The following TTBK1 variants were observed in gnomAD, a reference collection of about 807,000 sequenced individuals.
TTBK1 encodes tau tubulin kinase 1.
A neutral mutation model predicts 108.5 loss-of-function variants in TTBK1; 34 were observed. The ratio of observed to expected loss-of-function variants is 0.31; its 90% confidence interval spans 0.24 to 0.42. TTBK1 has a LOEUF of 0.42. TTBK1 is among the 10% of genes least tolerant of loss of function. The pLI, the probability that TTBK1 is intolerant of heterozygous loss-of-function variation, is 1.00. For missense variants in TTBK1, 1,539 were observed against 1,826.0 expected (o/e 0.84, Z 2.86); for synonymous variants, 809 against 795.1 (o/e 1.02, Z -0.29).
Position 43,269,028 on chromosome 6 carries a change from G to A in TTBK1, c.1986+5678G>A, listed in dbSNP as rs929862014. On this transcript the variant is annotated intron_variant, in intron 13 of 14. Coordinates refer to ENST00000259750, the MANE Select transcript of TTBK1 (RefSeq NM_032538.3). The surrounding 1 kb of genome is among the most constrained non-coding windows in gnomAD (Gnocchi z 4.8). ...ACAGAGGAGGAAGCTGAGGCTCAGA[G>A]AGGTGCAGTAACTTGCTCAAGGTCA... Among the ~76,000 whole-genome samples the A allele has an allele frequency of 3.9e-5, 6 of 152,234 alleles. No homozygotes were observed. The highest frequency in any genetic ancestry group is 5.9e-5 in the Non-Finnish European group (4 of 68,052).
Position 43,286,494 on chromosome 6 carries a change from G to A in TTBK1, c.*1118G>A, listed in dbSNP as rs1778386597. 1 of 152,554 alleles carries A rather than the reference G, an allele frequency of 6.6e-6. No individual in the cohort carries two copies. The highest frequency in any genetic ancestry group is 6.5e-5 in the Admixed American group (1 of 15,290). The allele number at this position is 152,554 out of a possible 1,614,324, so 9.5% of individuals were successfully genotyped here. A position where few individuals can be genotyped will look rare whatever the true frequency, so the allele number is the denominator to read the frequency against. On this transcript the variant is annotated 3_prime_UTR_variant, in exon 15 of 15. Transcript: ENST00000259750. The surrounding 1 kb of genome is among the most constrained non-coding windows in gnomAD (Gnocchi z 4.6). ...CCTCCCGCCTGTGGGAGGGAGGGAGGGCTGGCTCAGGCATCGTCTCCCGCA... is the reference window on the plus strand; with the variant it reads ...CCTCCCGCCTGTGGGAGGGAGGGAGAGCTGGCTCAGGCATCGTCTCCCGCA...
Position 43,285,749 on chromosome 6 carries a change from C to G in TTBK1, c.*373C>G, listed in dbSNP as rs1020185270. On this transcript the variant is annotated 3_prime_UTR_variant, in exon 15 of 15. Transcript: ENST00000259750. The surrounding 1 kb of genome is among the most constrained non-coding windows in gnomAD (Gnocchi z 4.7). ...CGCCTGGTTCGTTCGCCCACCAGGC[C>G]TAGGCTACGCTCCATGCTCCCCCAG... The G allele has an allele frequency of 6.0e-6, 1 of 168,016 alleles. No individual in the cohort carries two copies. The highest frequency in any genetic ancestry group is 2.4e-5 in the African/African-American group (1 of 42,092). 10.4% of individuals were successfully genotyped at this position (168,016 alleles called of 1,614,324 possible). A position where few individuals can be genotyped will look rare whatever the true frequency, so the allele number is the denominator to read the frequency against.
rs956594685 is a variant in TTBK1 at position 43,259,967 on chromosome 6, G to A, written c.1424+261G>A. On this transcript the variant is annotated intron_variant, in intron 12 of 14. Coordinates refer to ENST00000259750, the MANE Select transcript of TTBK1 (RefSeq NM_032538.3). The surrounding 1 kb of genome is among the most constrained non-coding windows in gnomAD (Gnocchi z 6.7). ...AGGCTGCAGGAGGGACAGGTGGGGC[G>A]CCTGGGCCCAGGAAGGGTGAGGGGC... Among the ~76,000 whole-genome samples the A allele has an allele frequency of 1.3e-5, 2 of 152,220 alleles. No individual in the cohort carries two copies. Among genetic ancestry groups the A allele is most frequent in the Non-Finnish European group, 2.9e-5 (2 of 68,028 alleles).
intron 13 of TTBK1, among the ~76,000 whole-genome samples, chr6:43,267,841 A>AGCCACCAAAGCATTTCCCT (rs1455029604): frequency 2.0e-5 from 3 of 152,208 alleles, no homozygotes; most frequent in Admixed American, 1.3e-4. Flanking sequence ...ACTGCCCGGC[A>AGCCACCAAAGCATTTCCCT]GCCACCAAAG....
chr6:43,252,712 G>T, intron 2 of TTBK1, 27 bp from the exon 3 acceptor site: 2 of 1,613,076 alleles, frequency 1.2e-6, no homozygotes, highest in South Asian at 2.2e-5. Context: ...TGATCCCTGA[G>T]CACCCCCTAT....
At position 43,276,598 on chromosome 6, in the gene TTBK1, TG is replaced by T. The variant is rs1180307432; in HGVS notation, c.1987-6128del. Among the ~76,000 whole-genome samples the T allele has an allele frequency of 6.6e-6, 1 of 152,224 alleles. No individual in the cohort carries two copies. The highest frequency in any genetic ancestry group is 2.4e-5 in the African/African-American group (1 of 41,470). On this transcript the variant is annotated intron_variant, in intron 13 of 14. Coordinates refer to ENST00000259750, the MANE Select transcript of TTBK1 (RefSeq NM_032538.3). The surrounding 1 kb of genome is among the most constrained non-coding windows in gnomAD (Gnocchi z 5.4). Reference sequence around the variant, plus strand: ...TTTTGTGCCTTTTTAAGTCCCTGTATGTTAATGCAGACAATCCGGAGAGCTT... The same window carrying T: ...TTTTGTGCCTTTTTAAGTCCCTGTATTTAATGCAGACAATCCGGAGAGCTT...
rs1777861937 is a variant in TTBK1, at chr6:43,272,555, G to A, written c.1986+9205G>A. On this transcript the variant is annotated intron_variant, in intron 13 of 14. Coordinates refer to ENST00000259750, the MANE Select transcript of TTBK1 (RefSeq NM_032538.3). Reference sequence around the variant, plus strand: ...GGTTCAAAGCATGTTGTCCTTTAGGGGGACATCCTTTTGTATATCCTCCAT... The same window carrying A: ...GGTTCAAAGCATGTTGTCCTTTAGGAGGACATCCTTTTGTATATCCTCCAT... 3.0e-6 allele frequency: 3 copies of A among 985,314 alleles called. 1 individual carries two copies. Among genetic ancestry groups the A allele is most frequent in the African/African-American group, 1.7e-5 (1 of 57,236 alleles). The allele number at this position is 985,314 out of a possible 1,614,324, so 61.0% of individuals were successfully genotyped here.
In TTBK1 at chr6:43,285,098, C is replaced by T. The variant is rs1647276440; in HGVS notation, c.3688C>T (p.Pro1230Ser). The T allele has an allele frequency of 6.8e-7, 1 of 1,478,228 alleles. No homozygotes were observed. The highest frequency in any genetic ancestry group is 8.9e-7 in the Non-Finnish European group (1 of 1,122,616). The allele number at this position is 1,478,228 out of a possible 1,614,324, so 91.6% of individuals were successfully genotyped here. A position where few individuals can be genotyped will look rare whatever the true frequency, so the allele number is the denominator to read the frequency against. The change falls in exon 15 of 15, where the codon CCG becomes TCG. Residue 1230 changes from proline (P) to serine (S), a missense_variant. By Grantham distance (74) the Pro-to-Ser change is moderately conservative. This residue lies in a region of TTBK1 where 1,055 missense variants were observed against 1,086.5 expected (regional missense o/e 0.97). Coordinates refer to ENST00000259750, the MANE Select transcript of TTBK1 (RefSeq NM_032538.3). This position sits in a 1 kb window ranked among gnomAD's most constrained non-coding sequence, Gnocchi z 4.7. ...CCAAGCCGGAGCCAGGCCCCCAGCGCCGCGCAGCCCGCGCCTCCCCGCGTC... is the reference window on the plus strand; with the variant it reads ...CCAAGCCGGAGCCAGGCCCCCAGCGTCGCGCAGCCCGCGCCTCCCCGCGTC... ...RAQAGARPPA[P>S]RSPRLPASTS...
intron 1 of TTBK1, among the ~76,000 whole-genome samples, chr6:43,246,340 C>T (rs781399769): frequency 2.0e-4 from 30 of 152,324 alleles, no homozygotes; most frequent in Non-Finnish European, 3.5e-4. Context: ...TAGAGTATGT[C>T]TCTCTCCCCT....
At chr6:43,271,555 C>T in intron 13 of TTBK1, 1 of 985,274 alleles carries the variant, frequency 1.0e-6, no homozygotes, top group South Asian at 4.7e-5. Context: ...CTCTGCTTGG[C>T]CCATCAATTC....
Position 43,272,473 on chromosome 6 carries a change from C to A in TTBK1, c.1986+9123C>A, listed in dbSNP as rs1486363831. 1.8e-5 allele frequency: 18 copies of A among 985,298 alleles called. No individual in the cohort carries two copies. The Admixed American group carries it at 6.1e-4, about 34-fold the overall frequency. The allele number at this position is 985,298 out of a possible 1,614,324, so 61.0% of individuals were successfully genotyped here. On this transcript the variant is annotated intron_variant, in intron 13 of 14. Transcript: ENST00000259750. ...GGCGGCTGAGTTTTCAAACACACAC[C>A]CCCCACCTCAGAACTGACACCTGTG...
chr6:43,268,250 G>C (rs1291437750), intron 13 of TTBK1, among the ~76,000 whole-genome samples: 1 of 152,196 alleles, frequency 6.6e-6, no homozygotes, highest in African/African-American at 2.4e-5. Context: ...TGTGAGAGGG[G>C]GCTTTGGGCA....
chr6:43,269,123 G>C lies in TTBK1; in HGVS notation c.1986+5773G>C, dbSNP rs1031285176. On this transcript the variant is annotated intron_variant, in intron 13 of 14. Coordinates refer to ENST00000259750, the MANE Select transcript of TTBK1 (RefSeq NM_032538.3). The surrounding 1 kb of genome is among the most constrained non-coding windows in gnomAD (Gnocchi z 4.8). ...GGGCTCTAGAGTACCACCTTATGCC[G>C]CATGGTCACCCCGATCCCAACACCT... Among the ~76,000 whole-genome samples the C allele has an allele frequency of 2.0e-5, 3 of 152,232 alleles. No individual in the cohort carries two copies. The South Asian group carries it at 6.2e-4, about 32-fold the overall frequency.
Position 43,283,198 on chromosome 6 carries a change from G to A in TTBK1, c.2458G>A (p.Ala820Thr). ...ADDQKESRGR[A>T]SMADGDLEPE... ...CGATCAGAAGGAGTCCAGGGGCCGGGCCTCCATGGCCGATGGGGACCTGGA... is the reference window on the plus strand; with the variant it reads ...CGATCAGAAGGAGTCCAGGGGCCGGACCTCCATGGCCGATGGGGACCTGGA... Residue 820 changes from alanine (A) to threonine (T), a missense_variant, in exon 14 of 15, where the codon GCC (alanine) becomes ACC (threonine). Physicochemically the swap from Ala to Thr is moderately conservative, Grantham distance 58. Around this residue, in one of 5 missense-constraint regions of TTBK1, gnomAD observed 1,055 missense variants for 1,086.5 expected, o/e 0.97. Coordinates refer to ENST00000259750, the MANE Select transcript of TTBK1 (RefSeq NM_032538.3). This position sits in a 1 kb window ranked among gnomAD's most constrained non-coding sequence, Gnocchi z 8.1. The A allele has an allele frequency of 6.4e-7, 1 of 1,552,302 alleles. No homozygotes were observed. Among genetic ancestry groups the A allele is most frequent in the Non-Finnish European group, 8.7e-7 (1 of 1,148,358 alleles).
intron 2 of TTBK1, among the ~76,000 whole-genome samples, chr6:43,252,045 G>C (rs751706330): frequency 6.6e-6 from 1 of 152,150 alleles, no homozygotes; most frequent in Non-Finnish European, 1.5e-5. Context: ...CACAGGGGAT[G>C]GGGGAACATG....
intron 12 of TTBK1, among the ~76,000 whole-genome samples, chr6:43,261,500 A>G (rs1252858970): frequency 6.6e-6 from 1 of 152,190 alleles, no homozygotes; most frequent in Non-Finnish European, 1.5e-5. Flanking sequence ...TCTGAAAGTA[A>G]TGTGAGATTC....
rs913862312 is a variant in TTBK1 at position 43,263,787 on chromosome 6, A to C, written c.1986+437A>C. Among the ~76,000 whole-genome samples, 1 of 152,190 alleles carries C rather than the reference A, an allele frequency of 6.6e-6. No homozygotes were observed. Among genetic ancestry groups the C allele is most frequent in the Non-Finnish European group, 1.5e-5 (1 of 68,032 alleles). On this transcript the variant is annotated intron_variant, in intron 13 of 14. Coordinates refer to ENST00000259750, the MANE Select transcript of TTBK1 (RefSeq NM_032538.3). The surrounding 1 kb of genome is among the most constrained non-coding windows in gnomAD (Gnocchi z 4.7). Reference sequence around the variant, plus strand: ...ATGCTGCAGGTTTGGTGAGCCACTGAAGGCTTTTAAACAGGAGTGCAATAT... The same window carrying C: ...ATGCTGCAGGTTTGGTGAGCCACTGCAGGCTTTTAAACAGGAGTGCAATAT...
At position 43,285,465 on chromosome 6, in the gene TTBK1, TACGCGCCCGAC is replaced by T; in HGVS notation, c.*90_*100del. 3 of 1,223,860 alleles carry T rather than the reference TACGCGCCCGAC, an allele frequency of 2.5e-6. No homozygotes were observed. The highest frequency in any genetic ancestry group is 3.1e-6 in the Non-Finnish European group (3 of 983,238). The allele number at this position is 1,223,860 out of a possible 1,614,324, so 75.8% of individuals were successfully genotyped here. A position where few individuals can be genotyped will look rare whatever the true frequency, so the allele number is the denominator to read the frequency against. On this transcript the variant is annotated 3_prime_UTR_variant, in exon 15 of 15. Coordinates refer to ENST00000259750, the MANE Select transcript of TTBK1 (RefSeq NM_032538.3). This position sits in a 1 kb window ranked among gnomAD's most constrained non-coding sequence, Gnocchi z 4.7. ...ACTGGAGCAGCTCCCAGCACAGCCT[TACGCGCCCGAC>T]GCGCGCCACCCGCGGCCCCAGCTTT... is the stretch of plus-strand genomic sequence containing the variant.
chr6:43,283,151 C>A lies in TTBK1; in HGVS notation c.2411C>A (p.Ala804Asp). 1 of 1,564,728 alleles carries A rather than the reference C, an allele frequency of 6.4e-7. No individual in the cohort carries two copies. Among genetic ancestry groups the A allele is most frequent in the Non-Finnish European group, 8.7e-7 (1 of 1,155,426 alleles). ...ERSTDRSQEGAPSTLLADDQK... is the reference protein window; with the variant it reads ...ERSTDRSQEGDPSTLLADDQK... ...AGCACTGACCGGAGCCAGGAGGGTG[C>A]CCCGTCCACGCTGCTGGCAGACGAT... The change falls in exon 14 of 15, where the codon GCC becomes GAC. Residue 804 changes from alanine to aspartate, a missense_variant. Coordinates refer to ENST00000259750, the MANE Select transcript of TTBK1 (RefSeq NM_032538.3). This position sits in a 1 kb window ranked among gnomAD's most constrained non-coding sequence, Gnocchi z 8.1.
Sources: allele counts gnomAD v4.1 joint callset (sites outside exome capture counted in the v4.1 genomes callset), GRCh38; gene constraint gnomAD v4.1.1; regional missense constraint gnomAD v4.1.1; non-coding constraint Gnocchi (gnomAD v3.1); transcripts MANE v1.5; gene names NCBI Gene and HGNC (gene_info 2026-07-23, HGNC 2026-07-21).